Variants in MIB1 observed in about 807,000 individuals in gnomAD.
MIB1 encodes the protein MIB E3 ubiquitin protein ligase 1.
MIB1 carries 278 observed loss-of-function variants against 124.5 expected under a neutral mutation model. The observed-to-expected ratio is 2.23, with a 90% CI of 2.02 to 2.47. The LOEUF is 2.47. MIB1 is among the 30% of genes most tolerant of loss of function. The pLI, the probability that MIB1 is intolerant of heterozygous loss-of-function variation, is 0.00. For missense variants in MIB1, 957 were observed against 1,254.4 expected, an observed-to-expected ratio of 0.76 and a Z score of 3.58; for synonymous variants, 446 against 429.4, an observed-to-expected ratio of 1.04 and a Z score of -0.48.
intron 1 of MIB1, among the ~76,000 whole-genome samples, chr18:21,718,040 C>T (rs997315065): frequency 6.6e-6 from 1 of 152,176 alleles, no homozygotes; most frequent in Non-Finnish European, 1.5e-5. Flanking sequence ...TATTTATATA[C>T]AATGCAATAC....
chr18:21,863,239 C>T (rs772345850), intron 20 of MIB1, among the ~76,000 whole-genome samples: 17 of 152,226 alleles, frequency 1.1e-4, no homozygotes, highest in African/African-American at 4.1e-4. Context: ...CTGCCGTCCA[C>T]GGACAGCGGT....
chr18:21,747,214 C>T (rs1175276787), intron 1 of MIB1, among the ~76,000 whole-genome samples: 1 of 152,052 alleles, frequency 6.6e-6, no homozygotes, highest in African/African-American at 2.4e-5. Context: ...ATTTTATTTC[C>T]TCCACTAAAA....
At chr18:21,815,862 T>C (rs1480134347) in intron 11 of MIB1, 49 bp downstream of exon 11, 1 of 1,516,410 alleles carries the variant, frequency 6.6e-7, no homozygotes, top group Non-Finnish European at 9.1e-7. Context: ...AGGATCCTAT[T>C]AAAGGGAAAC....
chr18:21,719,720 G>A (rs2040706162), intron 1 of MIB1, among the ~76,000 whole-genome samples: 1 of 151,062 alleles, frequency 6.6e-6, no homozygotes, highest in African/African-American at 2.4e-5. Flanking sequence ...GCCTCCCAAA[G>A]TGCTGGGATT....
chr18:21,773,254 G>C (rs1286013184), intron 3 of MIB1, among the ~76,000 whole-genome samples: 1 of 152,040 alleles, frequency 6.6e-6, no homozygotes, highest in Non-Finnish European at 1.5e-5. Flanking sequence ...ACAAGAGCGA[G>C]ATTCCATCTC....
intron 1 of MIB1, among the ~76,000 whole-genome samples, chr18:21,728,761 T>C (rs1408844241): frequency 6.6e-6 from 1 of 152,232 alleles, no homozygotes; most frequent in Non-Finnish European, 1.5e-5. Flanking sequence ...TCAGGGTAAT[T>C]AGCATATCCA....
intron 1 of MIB1, among the ~76,000 whole-genome samples, chr18:21,761,805 C>G (rs905267777): frequency 6.6e-6 from 1 of 152,160 alleles, no homozygotes; most frequent in Non-Finnish European, 1.5e-5. Context: ...GCTGAGAAAA[C>G]ATAAAAGTGC....
At chr18:21,764,955 G>A (rs891208790) in intron 1 of MIB1, among the ~76,000 whole-genome samples, 2 of 151,826 alleles carry the variant, frequency 1.3e-5, no homozygotes, top group East Asian at 3.9e-4. Context: ...ATGTTGACAA[G>A]CCACACATTG....
rs1053704941 is a variant in MIB1 at position 21,741,183 on chromosome 18, G to T, written c.-401G>T. ...AGCTTGCTCCCCGCCGCCCCCCTCG[G>T]GCTAGCCTCCCCCGGCCCCCTGCGC... On this transcript the variant is annotated 5_prime_UTR_variant, in exon 1 of 21. Coordinates refer to ENST00000261537, the MANE Select transcript of MIB1 (RefSeq NM_020774.4). The surrounding 1 kb of genome is among the most constrained non-coding windows in gnomAD (Gnocchi z 5.4). The T allele has an allele frequency of 6.6e-6, 1 of 152,168 alleles. No individual in the cohort carries two copies. Among genetic ancestry groups the T allele is most frequent in the Admixed American group, 6.5e-5 (1 of 15,272 alleles). 9.4% of individuals were successfully genotyped at this position (152,168 alleles called of 1,614,324 possible). A position where few individuals can be genotyped will look rare whatever the true frequency, so the allele number is the denominator to read the frequency against.
intron 4 of MIB1, among the ~76,000 whole-genome samples, chr18:21,776,384 T>G (rs940670218): frequency 6.6e-6 from 1 of 152,168 alleles, no homozygotes; most frequent in Non-Finnish European, 1.5e-5. Flanking sequence ...AGTGTGCGTG[T>G]GTGTGCACAT....
At position 21,834,361 on chromosome 18, in the gene MIB1, C is replaced by T. The variant is rs139458580; in HGVS notation, c.1830-4004C>T. On this transcript the variant is annotated intron_variant, in intron 12 of 20. Transcript: ENST00000261537. ...ATTAAGATGAGAGGGCTGTAGGTCT[C>T]TGTTCAAATAATTTATGTAGCACCC... 3.9e-5 allele frequency among the ~76,000 whole-genome samples: 6 copies of T among 152,158 alleles called. No individual in the cohort carries two copies. The Middle Eastern group carries it at 0.01, about 261-fold the overall frequency.
At chr18:21,747,275 T>C (rs1404453972) in intron 1 of MIB1, among the ~76,000 whole-genome samples, 1 of 152,242 alleles carries the variant, frequency 6.6e-6, no homozygotes, top group East Asian at 1.9e-4. Context: ...TCCCTGTAGA[T>C]TGCAGCTTGG....
chr18:21,718,014 T>C (rs2040697421), intron 1 of MIB1, among the ~76,000 whole-genome samples: 1 of 152,186 alleles, frequency 6.6e-6, no homozygotes. Context: ...AGTCAGTGAA[T>C]GAATAAAGAA....
At chr18:21,729,646 T>C (rs1369928919) in intron 1 of MIB1, among the ~76,000 whole-genome samples, 1 of 152,070 alleles carries the variant, frequency 6.6e-6, no homozygotes, top group Non-Finnish European at 1.5e-5. Context: ...CCCACAACCA[T>C]GCCCGGCTAA....
At chr18:21,832,476 A>C (rs1294080207) in intron 12 of MIB1, among the ~76,000 whole-genome samples, 1 of 152,160 alleles carries the variant, frequency 6.6e-6, no homozygotes, top group East Asian at 1.9e-4. Context: ...AAATTTTTTT[A>C]ATCAAAGAGA....
intron 1 of MIB1, among the ~76,000 whole-genome samples, chr18:21,711,513 C>T (rs556382179): frequency 1.3e-5 from 2 of 151,760 alleles, no homozygotes; most frequent in Admixed American, 6.6e-5. Flanking sequence ...GAACTCCTGA[C>T]CTCAAATCAT....
chr18:21,822,451 G>A (rs1236055673), intron 12 of MIB1, among the ~76,000 whole-genome samples: 3 of 152,110 alleles, frequency 2.0e-5, no homozygotes, highest in African/African-American at 7.2e-5. Context: ...GATATTTGGT[G>A]TCAGGTGACA....
chr18:21,725,480 T>C (rs1358057004), intron 1 of MIB1, among the ~76,000 whole-genome samples: 1 of 152,204 alleles, frequency 6.6e-6, no homozygotes, highest in Non-Finnish European at 1.5e-5. Context: ...CACTGGAGCC[T>C]GCAGTCGAAA....
At chr18:21,764,799 C>T (rs549785560) in intron 1 of MIB1, among the ~76,000 whole-genome samples, 3 of 151,592 alleles carry the variant, frequency 2.0e-5, no homozygotes, top group South Asian at 4.2e-4. Context: ...TCTGATAAAA[C>T]GACCTTTTCA....
Sources: allele counts gnomAD v4.1 joint callset (sites outside exome capture counted in the v4.1 genomes callset), GRCh38; gene constraint gnomAD v4.1.1; non-coding constraint Gnocchi (gnomAD v3.1); transcripts MANE v1.5; gene names NCBI Gene and HGNC (gene_info 2026-07-23, HGNC 2026-07-21).